MPPED2: variants seen among roughly 807,000 people sequenced by gnomAD.
MPPED2 encodes the protein metallophosphoesterase MPPED2.
Under a neutral mutation model 33.0 loss-of-function variants are expected in MPPED2, and 5 were observed. The observed-to-expected ratio is 0.15, with a 90% CI of 0.08 to 0.32. The LOEUF (loss-of-function observed/expected upper bound fraction) is 0.32, where lower values mean the gene tolerates loss of function less well. Ranked by LOEUF, MPPED2 falls within the 10% of genes least tolerant of loss-of-function variation. MPPED2 has a pLI of 1.00. For synonymous variants in MPPED2, 136 were observed against 141.9 expected, an observed-to-expected ratio of 0.96 and a Z score of 0.29; for missense variants, 275 against 372.1, an observed-to-expected ratio of 0.74 and a Z score of 2.15.
chr11:30,466,777 T>G (rs1950724625), intron 4 of MPPED2, among the ~76,000 whole-genome samples: 1 of 152,212 alleles, frequency 6.6e-6, no homozygotes, highest in Non-Finnish European at 1.5e-5. Context: ...AAATACCTAC[T>G]GCATTTTTGG....
At chr11:30,471,335 T>A in intron 4 of MPPED2, among the ~76,000 whole-genome samples, 1 of 152,208 alleles carries the variant, frequency 6.6e-6, no homozygotes, top group East Asian at 1.9e-4. Context: ...CAAATAATTG[T>A]CCTGCTTAAA....
chr11:30,503,775 AAATGTCTGGGGCATAG>A (rs1323250098), intron 3 of MPPED2, among the ~76,000 whole-genome samples: 1 of 152,156 alleles, frequency 6.6e-6, no homozygotes, highest in African/African-American at 2.4e-5. Flanking sequence ...AGGAAACCAA[AAATGTCTGGGGCATAG>A]CACTCACAGT....
intron 1 of MPPED2, among the ~76,000 whole-genome samples, chr11:30,582,091 A>G (rs572253204): frequency 8.8e-4 from 134 of 152,222 alleles, no homozygotes; most frequent in African/African-American, 3.1e-3. Flanking sequence ...TGTTTCCTTA[A>G]TTTCTCCCAC....
At chr11:30,489,258 C>T (rs1207787193) in intron 4 of MPPED2, among the ~76,000 whole-genome samples, 3 of 152,188 alleles carry the variant, frequency 2.0e-5, no homozygotes, top group African/African-American at 4.8e-5. Context: ...CATTACAAAA[C>T]TTATAATTGG....
intron 6 of MPPED2, among the ~76,000 whole-genome samples, chr11:30,389,534 T>C (rs536819986): frequency 6.5e-4 from 99 of 152,330 alleles, no homozygotes; most frequent in Non-Finnish European, 1.2e-3. Context: ...AGGGCAGAAA[T>C]TCAGGGACTC....
At chr11:30,557,347 G>A (rs1297161740) in intron 2 of MPPED2, among the ~76,000 whole-genome samples, 5 of 151,434 alleles carry the variant, frequency 3.3e-5, no homozygotes, top group Admixed American at 1.3e-4. Flanking sequence ...TGGAGAAAAT[G>A]TATCATTTCC....
intron 4 of MPPED2, among the ~76,000 whole-genome samples, chr11:30,425,289 A>G (rs1948784302): frequency 6.6e-6 from 1 of 152,138 alleles, no homozygotes; most frequent in African/African-American, 2.4e-5. Context: ...TGTCAGCATT[A>G]AGCCTCTGTT....
chr11:30,387,058 G>A (rs184000797), exon 7 of MPPED2: 47 of 319,230 alleles, frequency 1.5e-4, no homozygotes, highest in Non-Finnish European at 2.1e-4. Flanking sequence ...ACTGCACAGC[G>A]TGCACGCATA....
chr11:30,504,409 T>C (rs1012544480), intron 3 of MPPED2, among the ~76,000 whole-genome samples: 4 of 152,148 alleles, frequency 2.6e-5, no homozygotes, highest in Non-Finnish European at 4.4e-5. Context: ...TCATCTAAAT[T>C]CCTTCCTTGG....
chr11:30,485,035 CG>C (rs1252694799), intron 4 of MPPED2, among the ~76,000 whole-genome samples: 9 of 152,004 alleles, frequency 5.9e-5, no homozygotes, highest in African/African-American at 9.7e-5. Flanking sequence ...TGTTACCTTT[CG>C]GGGAAAAAAA....
intron 2 of MPPED2, among the ~76,000 whole-genome samples, chr11:30,570,222 A>C (rs1391850537): frequency 6.6e-6 from 1 of 152,110 alleles, no homozygotes; most frequent in East Asian, 1.9e-4. Flanking sequence ...CCCAATTCCC[A>C]GGTCACAGGC....
chr11:30,472,171 C>T (rs970505125), intron 4 of MPPED2, among the ~76,000 whole-genome samples: 3 of 152,142 alleles, frequency 2.0e-5, no homozygotes, highest in Non-Finnish European at 2.9e-5. Context: ...TGAGACCAGC[C>T]TGGGCAACAT....
At chr11:30,535,611 T>C (rs2134481106) in intron 3 of MPPED2, among the ~76,000 whole-genome samples, 1 of 152,286 alleles carries the variant, frequency 6.6e-6, no homozygotes. Context: ...CTCTTACTAG[T>C]AGGTCATTTG....
In MPPED2 at chr11:30,544,335, G is replaced by GA. The variant is rs147224143; in HGVS notation, c.129-8161dup. On this transcript the variant is annotated intron_variant, in intron 2 of 6. Transcript: ENST00000358117. ...TTCTGGGTAATGGCCTTGCATTTGA[G>GA]AAAAAAAGCCATGTAATACTGTACT... Among the ~76,000 whole-genome samples the GA allele has an allele frequency of 2.6e-5, 4 of 152,018 alleles. No individual in the cohort carries two copies. The South Asian group carries it at 8.3e-4, about 32-fold the overall frequency.
At chr11:30,518,081 T>G (rs1379842384) in intron 3 of MPPED2, among the ~76,000 whole-genome samples, 1 of 152,170 alleles carries the variant, frequency 6.6e-6, no homozygotes, top group Non-Finnish European at 1.5e-5. Flanking sequence ...ATCTGAGAAC[T>G]ACTACAAGAG....
intron 4 of MPPED2, among the ~76,000 whole-genome samples, chr11:30,492,262 C>T (rs1952018598): frequency 6.6e-6 from 1 of 152,148 alleles, no homozygotes; most frequent in Admixed American, 6.5e-5. Context: ...ATCATTCCCT[C>T]ATTCATCACA....
At chr11:30,495,780 T>C (rs1226879348) in intron 3 of MPPED2, among the ~76,000 whole-genome samples, 1 of 152,230 alleles carries the variant, frequency 6.6e-6, no homozygotes, top group Non-Finnish European at 1.5e-5. Context: ...CTCTTCTGTA[T>C]GCTATGTATT....
At chr11:30,453,116 G>A (rs970818594) in intron 4 of MPPED2, among the ~76,000 whole-genome samples, 3 of 152,076 alleles carry the variant, frequency 2.0e-5, no homozygotes, top group African/African-American at 2.4e-5. Context: ...AAATATAAAA[G>A]ACTAATCTCT....
intron 3 of MPPED2, among the ~76,000 whole-genome samples, chr11:30,497,128 A>G (rs896854639): frequency 1.3e-5 from 2 of 152,212 alleles, no homozygotes; most frequent in Admixed American, 1.3e-4. Flanking sequence ...TGAAGAGTTC[A>G]AAAAAGAATA....
Sources: allele counts gnomAD v4.1 joint callset (sites outside exome capture counted in the v4.1 genomes callset), GRCh38; gene constraint gnomAD v4.1.1; transcripts MANE v1.5; gene names NCBI Gene and HGNC (gene_info 2026-07-23, HGNC 2026-07-21).